CNTN1: variants seen among roughly 807,000 people sequenced by gnomAD.
CNTN1 encodes contactin-1.
Under a neutral mutation model 126.4 loss-of-function variants are expected in CNTN1, and 38 were observed. The ratio of observed to expected loss-of-function variants is 0.30; its 90% CI spans 0.23 to 0.39. CNTN1 has a LOEUF of 0.39. Among genes scored for constraint, CNTN1 ranks in the 10% least tolerant of loss-of-function variants. The pLI is 1.00. For synonymous variants in CNTN1, 413 were observed against 422.6 expected, an observed-to-expected ratio of 0.98 and a Z score of 0.28; for missense variants, 1,009 against 1,248.4, an observed-to-expected ratio of 0.81 and a Z score of 2.89.
At chr12:40,921,112 G>A (rs1172491894) in intron 4 of CNTN1, among the ~76,000 whole-genome samples, 1 of 152,158 alleles carries the variant, frequency 6.6e-6, no homozygotes. Context: ...TTGTAATTTA[G>A]TAAGTTTTAA....
At chr12:40,705,633 A>G (rs1941719312) in intron 1 of CNTN1, among the ~76,000 whole-genome samples, 2 of 152,146 alleles carry the variant, frequency 1.3e-5, no homozygotes, top group African/African-American at 4.8e-5. Flanking sequence ...TGCACCCACT[A>G]ACTCGTCATC....
chr12:41,053,475 A>G lies in CNTN1; in HGVS notation c.2981-16484A>G, dbSNP rs539409514. Among the ~76,000 whole-genome samples the G allele has an allele frequency of 6.1e-3, 807 of 132,650 alleles. 10 individuals are homozygous for G. The highest frequency in any genetic ancestry group is 0.022 in the African/African-American group (774 of 34,908). 87.0% of individuals were successfully genotyped at this position (132,650 alleles called of 152,430 possible). On this transcript the variant is annotated intron_variant, in intron 23 of 23. Transcript: ENST00000551295. ...TATATATATATATATATATTTGCCA[A>G]TAATGCAGTGTCAGTTCTTTATAAG...
chr12:41,029,872 AT>A (rs1949110397), intron 23 of CNTN1, among the ~76,000 whole-genome samples: 1 of 151,586 alleles, frequency 6.6e-6, no homozygotes, highest in African/African-American at 2.4e-5. Flanking sequence ...CCTTTGTTTG[AT>A]TTGGAAATAC....
At chr12:40,700,190 C>T (rs1941559505) in intron 1 of CNTN1, among the ~76,000 whole-genome samples, 1 of 151,966 alleles carries the variant, frequency 6.6e-6, no homozygotes, top group African/African-American at 2.4e-5. Context: ...GTGACAAGTA[C>T]AATGCTCTTT....
rs199886411 is a variant in CNTN1, at chr12:40,980,999, G to T, written c.1895G>T (p.Ser632Ile). Residue 632 changes from serine to isoleucine, a missense_variant, in exon 16 of 24, where the codon AGT becomes ATT. Ser to Ile is a moderately radical substitution (Grantham distance 142, BLOSUM62 -2). Coordinates refer to ENST00000551295, the MANE Select transcript of CNTN1 (RefSeq NM_001843.4). ...LTWSRGSDNH[S>I]PISKYTIQTK... ...TGGAGCCGTGGTTCAGACAATCATA[G>T]TCCTATTTCTAAATACACTATCCAG... is the stretch of plus-strand genomic sequence containing the variant. 6.2e-7 allele frequency: 1 copy of T among 1,613,706 alleles called. No homozygotes were observed. The highest frequency in any genetic ancestry group is 1.1e-5 in the South Asian group (1 of 91,082).
chr12:40,749,680 A>C (rs1938324366), intron 1 of CNTN1, among the ~76,000 whole-genome samples: 1 of 139,398 alleles, frequency 7.2e-6, no homozygotes, highest in Admixed American at 7.3e-5. Context: ...CAACCAGCTT[A>C]TTTATAATCA....
intron 23 of CNTN1, among the ~76,000 whole-genome samples, chr12:41,029,655 T>C (rs1263020214): frequency 6.6e-6 from 1 of 152,180 alleles, no homozygotes. Flanking sequence ...TATTGAATAC[T>C]ATATAATACT....
intron 1 of CNTN1, among the ~76,000 whole-genome samples, chr12:40,716,533 A>G (rs567413658): frequency 6.6e-6 from 1 of 152,332 alleles, no homozygotes; most frequent in East Asian, 1.9e-4. Context: ...AGCTTTGCCT[A>G]CACCACCTGG....
intron 23 of CNTN1, among the ~76,000 whole-genome samples, chr12:41,047,531 T>C (rs1224532294): frequency 6.6e-6 from 1 of 150,712 alleles, no homozygotes; most frequent in Non-Finnish European, 1.5e-5. Flanking sequence ...ATTCTCTTTC[T>C]CTCTTGCCTA....
Position 40,815,784 on chromosome 12 carries a change from G to A in CNTN1, c.-76-92573G>A, listed in dbSNP as rs142941241. On this transcript the variant is annotated intron_variant, in intron 1 of 23. Transcript: ENST00000551295. The stretch of plus-strand genomic sequence containing the variant: ...CCATTCTACATGACATTGTCTGTAG[G>A]TTTGTCATAAATAGCTCTAATTATT... Among the ~76,000 whole-genome samples, 237 of 152,206 alleles carry A rather than the reference G, an allele frequency of 1.6e-3. 3 individuals are homozygous for A. The highest frequency in any genetic ancestry group is 9.7e-4 in the East Asian group (5 of 5,178).
At chr12:40,854,811 G>A (rs925267181) in intron 1 of CNTN1, among the ~76,000 whole-genome samples, 9 of 152,052 alleles carry the variant, frequency 5.9e-5, no homozygotes, top group East Asian at 1.9e-4. Context: ...AGCAGATGGC[G>A]GAAGGAGAAA....
intron 15 of CNTN1, chr12:40,971,858 G>A (rs933402982): frequency 7.2e-6 from 8 of 1,109,864 alleles, no homozygotes; most frequent in Non-Finnish European, 8.8e-6. Flanking sequence ...CTGATGAATT[G>A]TATAATACAG....
At position 41,031,713 on chromosome 12, in the gene CNTN1, ATTC is replaced by A. The variant is rs1592432193; in HGVS notation, c.2980+2497_2980+2499del. ...CTCTTTTTGCCAACTAATGGACAACATTCTTATTGATTTTAGAATTTCTATTAT... is the reference window on the plus strand; with the variant it reads ...CTCTTTTTGCCAACTAATGGACAACATTATTGATTTTAGAATTTCTATTAT... On this transcript the variant is annotated intron_variant, in intron 23 of 23. Coordinates refer to ENST00000551295, the MANE Select transcript of CNTN1 (RefSeq NM_001843.4). Among the ~76,000 whole-genome samples the A allele has an allele frequency of 5.3e-5, 8 of 152,236 alleles. No individual in the cohort carries two copies. The East Asian group carries it at 1.5e-3, about 29-fold the overall frequency.
chr12:40,944,292 C>CA, intron 14 of CNTN1, 122 bp downstream of exon 14: 1 of 881,568 alleles, frequency 1.1e-6, no homozygotes, highest in Admixed American at 2.2e-5. Context: ...AAAAAGCAGG[C>CA]AAAAAAGCTT....
chr12:40,868,847 G>A (rs1943393817), intron 1 of CNTN1, among the ~76,000 whole-genome samples: 1 of 152,026 alleles, frequency 6.6e-6, no homozygotes, highest in African/African-American at 2.4e-5. Context: ...CCCCGCCACT[G>A]GTACTGTGCT....
At chr12:40,877,988 CTTTTTTT>C (rs199626249) in intron 1 of CNTN1, among the ~76,000 whole-genome samples, 10 of 109,340 alleles carry the variant, frequency 9.1e-5, no homozygotes, top group Admixed American at 5.3e-4. Flanking sequence ...CAGTTTTTTC[CTTTTTTT>C]TTTTTTTTTT....
intron 1 of CNTN1, among the ~76,000 whole-genome samples, chr12:40,746,488 G>T (rs996916055): frequency 6.6e-6 from 1 of 152,108 alleles, no homozygotes; most frequent in African/African-American, 2.4e-5. Context: ...AGGAGTAAAA[G>T]TTTATTTAAA....
intron 15 of CNTN1, among the ~76,000 whole-genome samples, chr12:40,967,306 C>A (rs966930082): frequency 2.0e-5 from 3 of 151,886 alleles, no homozygotes; most frequent in African/African-American, 7.3e-5. Context: ...TATGGTGAAA[C>A]CCCATCTCTA....
At chr12:40,801,624 A>G (rs1940657540) in intron 1 of CNTN1, among the ~76,000 whole-genome samples, 1 of 151,882 alleles carries the variant, frequency 6.6e-6, no homozygotes, top group Non-Finnish European at 1.5e-5. Flanking sequence ...ATAATTTGGA[A>G]AAGAATAGGG....
Sources: gnomAD v4.1 joint callset for allele counts (sites outside exome capture counted in the v4.1 genomes callset) on GRCh38, gnomAD v4.1.1 for gene constraint, MANE v1.5 for transcripts, NCBI Gene and HGNC (gene_info 2026-07-23, HGNC 2026-07-21) for gene names.